SLC8A1: variants seen among roughly 807,000 people sequenced by gnomAD.
SLC8A1 encodes the protein sodium/calcium exchanger 1.
In SLC8A1, 18 loss-of-function variants were observed where a neutral mutation model predicts 68.3. The observed-to-expected ratio is 0.26, with a 90% CI of 0.18 to 0.39. The LOEUF is 0.39. Ranked by LOEUF, SLC8A1 falls within the 10% of genes least tolerant of loss-of-function variation. The pLI is 1.00. For synonymous variants in SLC8A1, 475 were observed against 415.5 expected (o/e 1.14, Z -1.74); for missense variants, 985 against 1,156.7 (o/e 0.85, Z 2.15).
chr2:40,209,119 G>A (rs1416313885), intron 2 of SLC8A1: 1 of 152,074 alleles, frequency 6.6e-6, no homozygotes, highest in Non-Finnish European at 1.5e-5. Flanking sequence ...AAAGTATTTA[G>A]TATGCTAGAT....
chr2:40,236,689 C>G (rs2060422420), intron 2 of SLC8A1, among the ~76,000 whole-genome samples: 1 of 152,038 alleles, frequency 6.6e-6, no homozygotes, highest in Non-Finnish European at 1.5e-5. Context: ...CAGTTTCTTC[C>G]TAGTCTCAAT....
intron 1 of SLC8A1, among the ~76,000 whole-genome samples, chr2:40,433,858 G>T (rs1698870622): frequency 6.6e-6 from 1 of 152,158 alleles, no homozygotes; most frequent in African/African-American, 2.4e-5. Flanking sequence ...TCCATGCAGG[G>T]TCAGGAGGGC....
chr2:40,326,199 C>T (rs541220579), intron 2 of SLC8A1, among the ~76,000 whole-genome samples: 1 of 152,144 alleles, frequency 6.6e-6, no homozygotes, highest in Non-Finnish European at 1.5e-5. Context: ...GGGACCGCAG[C>T]GTGGAAAAGG....
At chr2:40,325,396 A>G (rs988391868) in intron 2 of SLC8A1, among the ~76,000 whole-genome samples, 2 of 152,184 alleles carry the variant, frequency 1.3e-5, no homozygotes, top group South Asian at 2.1e-4. Flanking sequence ...AAACCAGTGG[A>G]GCAGATAAAT....
At chr2:40,437,857 T>C (rs1393770111) in intron 1 of SLC8A1, among the ~76,000 whole-genome samples, 2 of 152,090 alleles carry the variant, frequency 1.3e-5, no homozygotes, top group Non-Finnish European at 2.9e-5. Context: ...CAAAGATAAA[T>C]AAAACATATC....
exon 8 of SLC8A1, chr2:40,115,071 G>A (rs1316189134): frequency 2.8e-6 from 1 of 355,638 alleles, no homozygotes; most frequent in African/African-American, 2.1e-5. Flanking sequence ...TGAACATGAT[G>A]ATGCCCCTGG....
chr2:40,137,930 A>C (rs2040831775), intron 7 of SLC8A1, among the ~76,000 whole-genome samples: 1 of 152,172 alleles, frequency 6.6e-6, no homozygotes, highest in African/African-American at 2.4e-5. Context: ...ATGGCTGACC[A>C]GTATAAATCT....
intron 2 of SLC8A1, among the ~76,000 whole-genome samples, chr2:40,307,804 G>C (rs969763408): frequency 6.6e-6 from 1 of 152,038 alleles, no homozygotes; most frequent in African/African-American, 2.4e-5. Flanking sequence ...AGCAGCAAAG[G>C]CATCATAACC....
intron 3 of SLC8A1, chr2:40,175,959 TG>T (rs1558629240): frequency 2.2e-6 from 1 of 450,128 alleles, no homozygotes; most frequent in East Asian, 7.1e-5. Context: ...CTGTGACTTC[TG>T]TACATTATTA....
intron 2 of SLC8A1, among the ~76,000 whole-genome samples, chr2:40,292,656 T>A (rs2069545350): frequency 1.3e-5 from 2 of 152,168 alleles, no homozygotes; most frequent in Non-Finnish European, 2.9e-5. Context: ...CAGTAAGACC[T>A]TGGAAGCCTT....
At chr2:40,457,945 T>G (rs1447649848) in intron 1 of SLC8A1, among the ~76,000 whole-genome samples, 1 of 152,214 alleles carries the variant, frequency 6.6e-6, no homozygotes, top group African/African-American at 2.4e-5. Flanking sequence ...GCTGTACGCA[T>G]GTATCAGCTG....
At chr2:40,430,372 T>C in intron 1 of SLC8A1, 68 bp from the exon 2 acceptor site, 1 of 1,426,906 alleles carries the variant, frequency 7.0e-7, no homozygotes. Context: ...GCCAAAGCAT[T>C]ACTAATTACT....
At chr2:40,232,613 TA>T (rs760813862) in intron 2 of SLC8A1, among the ~76,000 whole-genome samples, 2,917 of 144,534 alleles carry the variant, frequency 0.02, 104 homozygotes, top group African/African-American at 0.067. Flanking sequence ...TTTTTTTTTT[TA>T]TATACTTTAA....
rs765310599 is a variant in SLC8A1 at position 40,170,270 on chromosome 2, G to A, written c.1930+4555C>T. 1.2e-6 allele frequency: 2 copies of A among 1,612,334 alleles called. No individual in the cohort carries two copies. Among genetic ancestry groups the A allele is most frequent in the South Asian group, 1.1e-5 (1 of 90,924 alleles). The stretch of plus-strand genomic sequence containing the variant: ...GGCTGTGGTTTTCAAGGATCATGAT[G>A]AAATGAGTACCTGCAATGGTGATTA... On this transcript the variant is annotated intron_variant, in intron 4 of 7. Coordinates refer to ENST00000406785, the Ensembl canonical transcript of SLC8A1.
intron 2 of SLC8A1, among the ~76,000 whole-genome samples, chr2:40,244,600 C>G (rs770044654): frequency 1.3e-5 from 2 of 149,140 alleles, no homozygotes; most frequent in Admixed American, 6.7e-5. Flanking sequence ...CACCAAACCC[C>G]ACAAACTTTC....
chr2:40,511,261 T>C (rs926299720), intron 1 of SLC8A1, among the ~76,000 whole-genome samples: 15 of 152,202 alleles, frequency 9.9e-5, no homozygotes, highest in Non-Finnish European at 1.6e-4. Context: ...AAATCTTGAG[T>C]TTAAATCCCA....
rs185146779 is a variant in SLC8A1 at position 40,282,042 on chromosome 2, A to C, written c.1809-104187T>G. Reference sequence around the variant, plus strand: ...TATCCCTTCAGCACAGCTCCCCCACACAAGAGCGTACCTTTAATGACTGAT... The same window carrying C: ...TATCCCTTCAGCACAGCTCCCCCACCCAAGAGCGTACCTTTAATGACTGAT... On this transcript the variant is annotated intron_variant, in intron 2 of 7. Transcript: ENST00000406785. 7.9e-4 allele frequency among the ~76,000 whole-genome samples: 121 copies of C among 152,274 alleles called. 2 individuals carry two copies. In the East Asian group the frequency reaches 0.017, roughly 22 times the overall value.
chr2:40,400,064 G>A (rs62149403), intron 2 of SLC8A1, among the ~76,000 whole-genome samples: 7,451 of 152,190 alleles, frequency 0.049, 219 homozygotes, highest in Middle Eastern at 0.082. Flanking sequence ...CCCCAGTCAC[G>A]TACCCGCTGC....
chr2:40,352,846 C>A (rs1671533591), intron 2 of SLC8A1, among the ~76,000 whole-genome samples: 1 of 152,126 alleles, frequency 6.6e-6, no homozygotes, highest in Admixed American at 6.5e-5. Flanking sequence ...TCTGTTGCAT[C>A]CAGGTGGGCT....
Sources: gnomAD v4.1 joint callset for allele counts (sites outside exome capture counted in the v4.1 genomes callset) on GRCh38, gnomAD v4.1.1 for gene constraint, MANE v1.5 for transcripts, NCBI Gene and HGNC (gene_info 2026-07-23, HGNC 2026-07-21) for gene names.